SGIP1: variants seen among roughly 807,000 people sequenced by gnomAD.
The protein encoded by SGIP1 is SH3-containing GRB2-like protein 3-interacting protein 1.
A neutral mutation model predicts 107.5 loss-of-function variants in SGIP1; 38 were observed. That is an observed-to-expected ratio of 0.35 (90% confidence interval 0.27 to 0.46). The LOEUF is 0.46. Among genes scored for constraint, SGIP1 ranks in the 20% least tolerant of loss-of-function variants. SGIP1 has a pLI of 1.00. For missense variants in SGIP1, 929 were observed against 1,019.5 expected (o/e 0.91, Z 1.21); for synonymous variants, 365 against 366.1 (o/e 1.00, Z 0.03).
chr1:66,600,754 C>T (rs2065644054), intron 1 of SGIP1, among the ~76,000 whole-genome samples: 1 of 152,128 alleles, frequency 6.6e-6, no homozygotes, highest in African/African-American at 2.4e-5. Flanking sequence ...GCCATGCAAG[C>T]CTGTGGGTTT....
chr1:66,707,574 T>C (rs113285661), intron 18 of SGIP1, among the ~76,000 whole-genome samples: 1 of 152,320 alleles, frequency 6.6e-6, no homozygotes, highest in African/African-American at 2.4e-5. Context: ...GATACAGTTA[T>C]AGCACCTGAG....
chr1:66,609,840 G>A (rs548607262), intron 1 of SGIP1, among the ~76,000 whole-genome samples: 10 of 152,226 alleles, frequency 6.6e-5, no homozygotes, highest in Admixed American at 5.9e-4. Context: ...TTTGTGGAGA[G>A]CACCACACAA....
chr1:66,697,376 A>T (rs780998024), intron 18 of SGIP1, among the ~76,000 whole-genome samples: 4 of 152,286 alleles, frequency 2.6e-5, no homozygotes, highest in Non-Finnish European at 2.9e-5. Context: ...AATTCCTTAA[A>T]CATCTCAATT....
chr1:66,611,701 A>C (rs1414869304), intron 1 of SGIP1, among the ~76,000 whole-genome samples: 3 of 152,204 alleles, frequency 2.0e-5, no homozygotes, highest in Non-Finnish European at 4.4e-5. Flanking sequence ...GGATGGACAC[A>C]AGAAAGAGAC....
intron 17 of SGIP1, among the ~76,000 whole-genome samples, chr1:66,691,585 TTGAA>T (rs1466802099): frequency 2.0e-5 from 3 of 152,050 alleles, no homozygotes. Context: ...CTTCCTATCT[TTGAA>T]TGCCTAGTAA....
intron 22 of SGIP1, 40 bp downstream of exon 22, chr1:66,739,577 G>A: frequency 6.2e-7 from 1 of 1,601,704 alleles, no homozygotes; most frequent in Non-Finnish European, 8.5e-7. Context: ...GGGCTCCTCT[G>A]GGTCAAGAGG....
chr1:66,623,769 G>A (rs1467464830), intron 1 of SGIP1, among the ~76,000 whole-genome samples: 1 of 152,208 alleles, frequency 6.6e-6, no homozygotes, highest in Non-Finnish European at 1.5e-5. Context: ...TATAGGCTGA[G>A]AGGTTGAAAC....
chr1:66,717,993 T>G (rs1253931123), intron 18 of SGIP1, among the ~76,000 whole-genome samples: 1 of 152,120 alleles, frequency 6.6e-6, no homozygotes, highest in Non-Finnish European at 1.5e-5. Flanking sequence ...ATAGTAGATA[T>G]TAGATATTAG....
intron 21 of SGIP1, among the ~76,000 whole-genome samples, chr1:66,738,544 A>G (rs528360299): frequency 1.3e-5 from 2 of 152,340 alleles, no homozygotes; most frequent in Admixed American, 1.3e-4. Flanking sequence ...CTTTAGATAA[A>G]TGTTTGTTGA....
intron 2 of SGIP1, among the ~76,000 whole-genome samples, chr1:66,629,846 A>C (rs2073860738): frequency 6.6e-6 from 1 of 152,186 alleles, no homozygotes; most frequent in African/African-American, 2.4e-5. Flanking sequence ...TATTCTAGAA[A>C]ACATTTAATG....
At chr1:66,600,780 T>C (rs1023596672) in intron 1 of SGIP1, among the ~76,000 whole-genome samples, 1 of 152,160 alleles carries the variant, frequency 6.6e-6, no homozygotes, top group African/African-American at 2.4e-5. Flanking sequence ...GAAAATGTGC[T>C]GATTTTAGGC....
At position 66,695,323 on chromosome 1, in the gene SGIP1, C is replaced by G. The variant is rs753940960; in HGVS notation, c.1571-111C>G. The G allele has an allele frequency of 2.3e-5, 36 of 1,586,524 alleles. No individual in the cohort carries two copies. The South Asian group carries it at 3.9e-4, about 17-fold the overall frequency. ...CCTGCACGCTAATGGCATGTAGTGCCTCCACCCTTCCCTATAGTGAGATTA... is the reference window on the plus strand; with the variant it reads ...CCTGCACGCTAATGGCATGTAGTGCGTCCACCCTTCCCTATAGTGAGATTA... On this transcript the variant is annotated intron_variant, in intron 17 of 24. Coordinates refer to ENST00000371037, the MANE Select transcript of SGIP1 (RefSeq NM_032291.4).
At chr1:66,670,713 A>G (rs2083567524) in intron 9 of SGIP1, among the ~76,000 whole-genome samples, 1 of 152,164 alleles carries the variant, frequency 6.6e-6, no homozygotes, top group Non-Finnish European at 1.5e-5. Flanking sequence ...GGACTAATCA[A>G]TATTTGAATT....
Position 66,682,109 on chromosome 1 carries a change from T to C in SGIP1, c.1055T>C (p.Leu352Pro). The C allele has an allele frequency of 6.2e-7, 1 of 1,614,106 alleles. No homozygotes were observed. The highest frequency in any genetic ancestry group is 8.5e-7 in the Non-Finnish European group (1 of 1,180,018). Residue 352 changes from leucine to proline, a missense_variant, in exon 15 of 25, where the codon CTC becomes CCC. Around this residue, in one of 2 missense-constraint regions of SGIP1, gnomAD observed 588 missense variants for 588.6 expected, o/e 1.00. Coordinates refer to ENST00000371037, the MANE Select transcript of SGIP1 (RefSeq NM_032291.4). The part of the protein sequence containing the change: ...NPADSPAPGP[L>P]GPPGPTGPPG... ...GCTGACTCCCCAGCTCCAGGCCCTCTCGGCCCCCCAGGTCCCACAGGCCCC... is the reference window on the plus strand; with the variant it reads ...GCTGACTCCCCAGCTCCAGGCCCTCCCGGCCCCCCAGGTCCCACAGGCCCC...
chr1:66,605,393 T>A (rs1373664520), intron 1 of SGIP1, among the ~76,000 whole-genome samples: 1 of 151,928 alleles, frequency 6.6e-6, no homozygotes, highest in African/African-American at 2.4e-5. Flanking sequence ...TAGAGAAATT[T>A]AAAAAATTAT....
chr1:66,625,107 T>C (rs189634476), intron 1 of SGIP1, among the ~76,000 whole-genome samples: 1 of 152,342 alleles, frequency 6.6e-6, no homozygotes, highest in African/African-American at 2.4e-5. Context: ...ATTTGATATA[T>C]CATAATACAT....
At chr1:66,534,130 C>G, upstream of SGIP1, 1 of 594,904 alleles carries the variant, frequency 1.7e-6, no homozygotes. Context: ...GCCAGCTTGC[C>G]GTTCCTCTCC....
chr1:66,589,849 C>T (rs1177965666), intron 1 of SGIP1, among the ~76,000 whole-genome samples: 2 of 152,122 alleles, frequency 1.3e-5, no homozygotes, highest in Non-Finnish European at 2.9e-5. Context: ...TCCTTTTGGC[C>T]TGGCTTAAGT....
chr1:66,678,848 C>A (rs1042155840), intron 13 of SGIP1, among the ~76,000 whole-genome samples: 1 of 152,134 alleles, frequency 6.6e-6, no homozygotes, highest in African/African-American at 2.4e-5. Context: ...AGAGATTGGA[C>A]GGCATTCAGA....
Sources: allele counts gnomAD v4.1 joint callset (sites outside exome capture counted in the v4.1 genomes callset), GRCh38; gene constraint gnomAD v4.1.1; regional missense constraint gnomAD v4.1.1; transcripts MANE v1.5; gene names NCBI Gene and HGNC (gene_info 2026-07-23, HGNC 2026-07-21).